The following SH3KBP1 variants were observed in gnomAD, a reference collection of about 807,000 sequenced individuals.
SH3KBP1 encodes the protein SH3 domain-containing kinase-binding protein 1.
A neutral mutation model predicts 50.1 loss-of-function variants in SH3KBP1; 8 were observed. The ratio of observed to expected loss-of-function variants is 0.16; its 90% confidence interval spans 0.09 to 0.29. The LOEUF is 0.29. SH3KBP1 is among the 10% of genes least tolerant of loss of function. The pLI, the probability that SH3KBP1 is intolerant of heterozygous loss-of-function variation, is 1.00. For missense variants in SH3KBP1, 377 were observed against 535.2 expected (o/e 0.70, Z 2.92); for synonymous variants, 227 against 218.6 (o/e 1.04, Z -0.34).
chrX:19,748,638 A>G (rs1040893790), intron 2 of SH3KBP1, among the ~76,000 whole-genome samples: 3 of 111,970 alleles, frequency 2.7e-5, no homozygotes, highest in Admixed American at 1.9e-4. Context: ...GGGAGGAGAC[A>G]AAACCTAAAA....
At chrX:19,773,856 G>GAAAAAAA (rs59381892) in intron 2 of SH3KBP1, among the ~76,000 whole-genome samples, 2 of 14,921 alleles carry the variant, frequency 1.3e-4, no homozygotes, top group African/African-American at 3.5e-4. Flanking sequence ...ACTCCGGCTC[G>GAAAAAAA]AAAAAAAAAA....
At chrX:19,846,326 G>A (rs752335455) in intron 1 of SH3KBP1, among the ~76,000 whole-genome samples, 4 of 112,269 alleles carry the variant, frequency 3.6e-5, no homozygotes, top group Non-Finnish European at 7.5e-5. Flanking sequence ...CTGGGATTAC[G>A]GGCATGAGCC....
intron 2 of SH3KBP1, among the ~76,000 whole-genome samples, chrX:19,828,661 G>T (rs2067767102): frequency 9.0e-6 from 1 of 111,214 alleles, no homozygotes; most frequent in African/African-American, 3.3e-5. Context: ...GCATATACCT[G>T]TGGTCCTAGC....
intron 6 of SH3KBP1, among the ~76,000 whole-genome samples, chrX:19,678,635 C>T (rs746218921): frequency 9.0e-6 from 1 of 110,939 alleles, no homozygotes; most frequent in East Asian, 2.8e-4. Flanking sequence ...AAAAAAAAAT[C>T]AGCAAAATAT....
chrX:19,667,812 ATTTTTTTTTT>A (rs779927127), intron 6 of SH3KBP1, among the ~76,000 whole-genome samples: 2 of 55,848 alleles, frequency 3.6e-5, no homozygotes, highest in African/African-American at 1.7e-4. Context: ...TTCTGTTGGG[ATTTTTTTTTT>A]TTTTTTTTTT....
intron 15 of SH3KBP1, among the ~76,000 whole-genome samples, chrX:19,542,690 G>C (rs995490840): frequency 8.9e-6 from 1 of 111,905 alleles, no homozygotes. Flanking sequence ...GGTGCTGACA[G>C]TCCCGTCTTG....
intron 8 of SH3KBP1, among the ~76,000 whole-genome samples, chrX:19,627,377 T>C (rs960071150): frequency 8.9e-6 from 1 of 112,299 alleles, no homozygotes; most frequent in African/African-American, 3.2e-5. Context: ...AGGAAGCTTC[T>C]CCAGTTGGGA....
chrX:19,875,864 C>T (rs1388119268), intron 1 of SH3KBP1, among the ~76,000 whole-genome samples: 1 of 112,752 alleles, frequency 8.9e-6, no homozygotes, highest in African/African-American at 3.2e-5. Context: ...GCAGCTGGCC[C>T]ACACCTAGCT....
At chrX:19,867,632 G>A (rs1446508416) in intron 1 of SH3KBP1, among the ~76,000 whole-genome samples, 1 of 111,449 alleles carries the variant, frequency 9.0e-6, no homozygotes, top group Admixed American at 9.5e-5. Context: ...GGGAAGGAAG[G>A]AAGGGTCCAA....
At chrX:19,868,018 C>T (rs146919798) in intron 1 of SH3KBP1, among the ~76,000 whole-genome samples, 4,083 of 111,161 alleles carry the variant, frequency 0.037, 70 homozygotes, top group Non-Finnish European at 0.055. Context: ...GGGATGCAAA[C>T]GTCCAGTCCA....
intron 12 of SH3KBP1, among the ~76,000 whole-genome samples, chrX:19,573,868 T>C (rs1456449263): frequency 9.0e-6 from 1 of 111,501 alleles, no homozygotes; most frequent in Non-Finnish European, 1.9e-5. Context: ...CCGTGTGACC[T>C]TGGCCGGGTT....
chrX:19,736,466 A>G (rs1161786627), intron 3 of SH3KBP1, among the ~76,000 whole-genome samples: 1 of 112,128 alleles, frequency 8.9e-6, no homozygotes, highest in African/African-American at 3.3e-5. Flanking sequence ...CACTGAACCT[A>G]TTCAGGTCTC....
intron 5 of SH3KBP1, among the ~76,000 whole-genome samples, chrX:19,691,300 C>G (rs1224602241): frequency 1.4e-4 from 14 of 103,529 alleles, no homozygotes; most frequent in African/African-American, 5.0e-4. Context: ...CGCACGCACG[C>G]ACGCATGCGC....
chrX:19,803,939 G>A (rs1212553503), intron 2 of SH3KBP1, among the ~76,000 whole-genome samples: 1 of 111,314 alleles, frequency 9.0e-6, no homozygotes, highest in East Asian at 2.8e-4. Context: ...TTGGGAGGCC[G>A]AGGCAGGCGG....
intron 8 of SH3KBP1, among the ~76,000 whole-genome samples, 182 bp downstream of exon 8, chrX:19,631,682 A>G (rs2061580466): frequency 8.9e-6 from 1 of 112,324 alleles, no homozygotes; most frequent in African/African-American, 3.2e-5. Flanking sequence ...TTCTCGTCTC[A>G]ACGAATGCAT....
chrX:19,872,547 G>A lies in SH3KBP1; in HGVS notation c.4+14760C>T, dbSNP rs776586365. ...AGTACTTTGGGAGGCCGAGGCGGGC[G>A]GATCACGAGGTCAGGAGATAGAGAC... On this transcript the variant is annotated intron_variant, in intron 1 of 17. Transcript: ENST00000397821. Among the ~76,000 whole-genome samples, 6 of 109,782 alleles carry A rather than the reference G, an allele frequency of 5.5e-5. No individual in the cohort carries two copies. In the South Asian group the frequency reaches 1.6e-3, roughly 28 times the overall value.
At chrX:19,700,828 T>C (rs1204703733) in intron 4 of SH3KBP1, among the ~76,000 whole-genome samples, 2 of 112,004 alleles carry the variant, frequency 1.8e-5, no homozygotes, top group African/African-American at 6.5e-5. Flanking sequence ...AATTCTTGTG[T>C]AGTTCATTGT....
intron 7 of SH3KBP1, among the ~76,000 whole-genome samples, chrX:19,636,429 TGTTA>T (rs915198292): frequency 2.7e-5 from 3 of 110,668 alleles, no homozygotes; most frequent in East Asian, 2.8e-4. Context: ...ACCCCAAAGC[TGTTA>T]GTTACCTAGT....
chrX:19,778,083 T>G (rs1034387798), intron 2 of SH3KBP1, among the ~76,000 whole-genome samples: 1 of 111,227 alleles, frequency 9.0e-6, no homozygotes, highest in African/African-American at 3.3e-5. Context: ...TTCCTTCTCA[T>G]CAGGAAACAC....
Sources: allele counts gnomAD v4.1 joint callset (sites outside exome capture counted in the v4.1 genomes callset), GRCh38; gene constraint gnomAD v4.1.1; transcripts MANE v1.5; gene names NCBI Gene and HGNC (gene_info 2026-07-23, HGNC 2026-07-21).